Variants in KCNT2 observed in about 807,000 individuals in gnomAD.
KCNT2 encodes the protein potassium sodium-activated channel subfamily T member 2.
Under a neutral mutation model 153.8 loss-of-function variants are expected in KCNT2, and 67 were observed. The observed-to-expected ratio is 0.44, with a 90% CI of 0.36 to 0.53. KCNT2 has a LOEUF of 0.53. KCNT2 is among the 20% of genes least tolerant of loss of function. The pLI is 0.00. For missense variants in KCNT2, 975 were observed against 1,354.8 expected (o/e 0.72, Z 4.40); for synonymous variants, 500 against 458.8 (o/e 1.09, Z -1.15).
intron 25 of KCNT2, among the ~76,000 whole-genome samples, chr1:196,274,136 A>G (rs1300898865): frequency 1.3e-5 from 2 of 151,592 alleles, no homozygotes; most frequent in Non-Finnish European, 3.0e-5. Flanking sequence ...CTGAGCTTTC[A>G]TATTGGCTAT....
At chr1:196,483,146 C>T (rs1572603426) in intron 3 of KCNT2, among the ~76,000 whole-genome samples, 1 of 152,206 alleles carries the variant, frequency 6.6e-6, no homozygotes, top group East Asian at 1.9e-4. Flanking sequence ...GGTAGTTTTT[C>T]GCATTTAAGT....
intron 14 of KCNT2, among the ~76,000 whole-genome samples, chr1:196,360,237 C>T (rs1305262511): frequency 6.6e-6 from 1 of 151,682 alleles, no homozygotes; most frequent in Non-Finnish European, 1.5e-5. Context: ...TTTTCTTTTC[C>T]TGTGATTACC....
intron 25 of KCNT2, among the ~76,000 whole-genome samples, chr1:196,263,423 G>A (rs906920131): frequency 1.3e-5 from 2 of 151,900 alleles, no homozygotes; most frequent in Non-Finnish European, 2.9e-5. Context: ...ACTCATAATC[G>A]GGAGTTAAAC....
At chr1:196,321,245 C>G (rs1490700546) in intron 19 of KCNT2, among the ~76,000 whole-genome samples, 3 of 151,790 alleles carry the variant, frequency 2.0e-5, no homozygotes, top group Non-Finnish European at 4.4e-5. Flanking sequence ...ACATCTCTCT[C>G]ACCCTGTCTT....
chr1:196,489,363 C>A, intron 3 of KCNT2, among the ~76,000 whole-genome samples: 2 of 148,896 alleles, frequency 1.3e-5, no homozygotes, highest in African/African-American at 2.5e-5. Context: ...CCACAGAAAA[C>A]AAAATAAATG....
At chr1:196,269,881 C>A (rs1337196593) in intron 25 of KCNT2, among the ~76,000 whole-genome samples, 2 of 151,982 alleles carry the variant, frequency 1.3e-5, no homozygotes, top group Non-Finnish European at 2.9e-5. Context: ...GGTTTACAAT[C>A]CTTTTGTAAC....
chr1:196,597,225 C>T (rs1664191905), intron 1 of KCNT2, among the ~76,000 whole-genome samples: 1 of 151,622 alleles, frequency 6.6e-6, no homozygotes, highest in Non-Finnish European at 1.5e-5. Context: ...AATGTAACTT[C>T]AATCTCTTCG....
intron 1 of KCNT2, among the ~76,000 whole-genome samples, chr1:196,575,568 T>G (rs556431612): frequency 1.3e-5 from 2 of 151,330 alleles, no homozygotes; most frequent in Admixed American, 1.3e-4. Context: ...TACTTGGACA[T>G]ATGAGAGATC....
chr1:196,423,315 T>C (rs1484596218), intron 11 of KCNT2, among the ~76,000 whole-genome samples: 1 of 151,940 alleles, frequency 6.6e-6, no homozygotes, highest in Non-Finnish European at 1.5e-5. Context: ...GCTATTGGGT[T>C]GTCTATTATA....
intron 5 of KCNT2, among the ~76,000 whole-genome samples, chr1:196,471,921 T>C (rs977063135): frequency 3.3e-5 from 5 of 152,212 alleles, no homozygotes; most frequent in African/African-American, 1.2e-4. Context: ...TTTCACAGTT[T>C]GAACTCTGGC....
chr1:196,310,354 G>A (rs1330274321), intron 21 of KCNT2, among the ~76,000 whole-genome samples: 1 of 151,772 alleles, frequency 6.6e-6, no homozygotes, highest in Non-Finnish European at 1.5e-5. Context: ...AAGTATAAAT[G>A]TATGTAATCT....
intron 1 of KCNT2, among the ~76,000 whole-genome samples, chr1:196,518,896 T>C (rs1000947280): frequency 3.9e-5 from 6 of 152,034 alleles, no homozygotes; most frequent in Non-Finnish European, 8.8e-5. Flanking sequence ...GGAAGAAAAT[T>C]AACAAGGACA....
rs1212231231 is a variant in KCNT2, at chr1:196,540,687, TC to T, written c.96-48347del. 6.6e-5 allele frequency among the ~76,000 whole-genome samples: 10 copies of T among 152,294 alleles called. No homozygotes were observed. In the South Asian group the frequency reaches 2.1e-3, roughly 32 times the overall value. ...TAAAAACCTATGTATAAAAATTATA[TC>T]CCAACTCTCAGCAAGTATGTAACCT... On this transcript the variant is annotated intron_variant, in intron 1 of 27. Coordinates refer to ENST00000294725, the MANE Select transcript of KCNT2 (RefSeq NM_198503.5).
At chr1:196,390,225 G>A (rs748537772) in intron 13 of KCNT2, among the ~76,000 whole-genome samples, 4 of 151,052 alleles carry the variant, frequency 2.6e-5, no homozygotes, top group South Asian at 4.2e-4. Context: ...CTTTTAAATC[G>A]TATATTCTGT....
At chr1:196,424,199 T>C (rs1385602172) in intron 11 of KCNT2, among the ~76,000 whole-genome samples, 1 of 151,870 alleles carries the variant, frequency 6.6e-6, no homozygotes, top group African/African-American at 2.4e-5. Context: ...AGACTATTGG[T>C]AATAAATTAG....
rs570446937 is a variant in KCNT2, at chr1:196,535,705, A to G, written c.96-43364T>C. ...TTGAGGAATCATAGACAGTTTCATC[A>G]CAGCTTTTTCTCTCTGAGCATGAGC... On this transcript the variant is annotated intron_variant, in intron 1 of 27. Coordinates refer to ENST00000294725, the MANE Select transcript of KCNT2 (RefSeq NM_198503.5). Among the ~76,000 whole-genome samples, 4 of 152,186 alleles carry G rather than the reference A, an allele frequency of 2.6e-5. No individual in the cohort carries two copies. The South Asian group carries it at 8.3e-4, about 32-fold the overall frequency.
intron 13 of KCNT2, among the ~76,000 whole-genome samples, chr1:196,386,301 A>G (rs1200102441): frequency 1.3e-5 from 2 of 152,136 alleles, no homozygotes; most frequent in Non-Finnish European, 2.9e-5. Context: ...CAAATTCCTG[A>G]CCCACAGAAA....
At chr1:196,551,069 T>C (rs1230593838) in intron 1 of KCNT2, among the ~76,000 whole-genome samples, 1 of 151,836 alleles carries the variant, frequency 6.6e-6, no homozygotes, top group African/African-American at 2.4e-5. Context: ...AGGAAGGGAA[T>C]AAATTCAACT....
At chr1:196,561,437 A>G (rs1659368822) in intron 1 of KCNT2, among the ~76,000 whole-genome samples, 2 of 151,584 alleles carry the variant, frequency 1.3e-5, no homozygotes, top group South Asian at 4.2e-4. Context: ...GATATCTCAT[A>G]TATAAGATCA....
Sources: gnomAD v4.1 joint callset for allele counts (sites outside exome capture counted in the v4.1 genomes callset) on GRCh38, gnomAD v4.1.1 for gene constraint, MANE v1.5 for transcripts, NCBI Gene and HGNC (gene_info 2026-07-23, HGNC 2026-07-21) for gene names.